The following DEGS1 variants were observed in gnomAD, a reference collection of about 807,000 sequenced individuals.
DEGS1 encodes the protein delta 4-desaturase, sphingolipid 1, also known as sphingolipid delta(4)-desaturase DES1.
Under a neutral mutation model 24.1 loss-of-function variants are expected in DEGS1, and 17 were observed. The ratio of observed to expected loss-of-function variants is 0.70; its 90% CI spans 0.48 to 1.06. The LOEUF (loss-of-function observed/expected upper bound fraction) is 1.06, where lower values mean the gene tolerates loss of function less well. Ranked by LOEUF, DEGS1 falls within the 50% of genes least tolerant of loss-of-function variation. DEGS1 has a pLI of 0.00. For missense variants in DEGS1, 366 were observed against 408.9 expected, an observed-to-expected ratio of 0.90 and a Z score of 0.91; for synonymous variants, 134 against 140.0, an observed-to-expected ratio of 0.96 and a Z score of 0.30.
Position 224,190,336 on chromosome 1 carries a change from A to C in DEGS1, c.825+17A>C. 6.9e-7 allele frequency: 1 copy of C among 1,452,908 alleles called. No individual in the cohort carries two copies. The highest frequency in any genetic ancestry group is 9.1e-7 in the Non-Finnish European group (1 of 1,102,892). The allele number at this position is 1,452,908 out of a possible 1,614,324, so 90.0% of individuals were successfully genotyped here. ...CTTCCACTGGTAAGTAAAGGATTTG[A>C]TACATATTCTAATTTTGTTTTTTCA... On this transcript the variant is annotated intron_variant, in intron 2 of 2. Coordinates refer to ENST00000323699, the MANE Select transcript of DEGS1 (RefSeq NM_003676.4).
Position 224,183,294 on chromosome 1 carries a change from G to A in DEGS1, c.-43G>A, listed in dbSNP as rs746571670. 6.8e-7 allele frequency: 1 copy of A among 1,459,984 alleles called. No homozygotes were observed. 90.4% of individuals were successfully genotyped at this position (1,459,984 alleles called of 1,614,324 possible). A position where few individuals can be genotyped will look rare whatever the true frequency, so the allele number is the denominator to read the frequency against. On this transcript the variant is annotated 5_prime_UTR_variant, in exon 1 of 3. Coordinates refer to ENST00000323699, the MANE Select transcript of DEGS1 (RefSeq NM_003676.4). Reference sequence around the variant, plus strand: ...GCCGCCACCTCTGAGCAGCCGGCTGGGAGCGAGAGCCGACAGCTAGTCTGC... The same window carrying A: ...GCCGCCACCTCTGAGCAGCCGGCTGAGAGCGAGAGCCGACAGCTAGTCTGC...
Position 224,183,250 on chromosome 1 carries a change from C to T in DEGS1, c.-87C>T, listed in dbSNP as rs1043281485. ...CCACAGCCGGCCGACACCACACCAG[C>T]CGGGGAGCCGCCGCCGCCGCCGCCA... On this transcript the variant is annotated 5_prime_UTR_variant, in exon 1 of 3. Transcript: ENST00000323699. 7.9e-7 allele frequency: 1 copy of T among 1,260,342 alleles called. No homozygotes were observed. Among genetic ancestry groups the T allele is most frequent in the Non-Finnish European group, 1.1e-6 (1 of 936,566 alleles). 78.1% of individuals were successfully genotyped at this position (1,260,342 alleles called of 1,614,324 possible). A position where few individuals can be genotyped will look rare whatever the true frequency, so the allele number is the denominator to read the frequency against.
At position 224,190,027 on chromosome 1, in the gene DEGS1, AC is replaced by A; in HGVS notation, c.537del (p.Lys180AsnfsTer20). On this transcript the variant is annotated frameshift_variant, in exon 2 of 3. Transcript: ENST00000323699. LOFTEE classifies it high-confidence loss of function. ...TATGCCTTTCGACCTCTGTTCATCA[AC>A]CCCAAACCAATTACGTATCTGGAAG... ...LFYAFRPLFINPKPITYLEVI... is the reference protein window; with the variant it reads ...LFYAFRPLFIXPKPITYLEVI... 6.2e-7 allele frequency: 1 copy of A among 1,614,114 alleles called. No individual in the cohort carries two copies. The highest frequency in any genetic ancestry group is 8.5e-7 in the Non-Finnish European group (1 of 1,180,018).
chr1:224,186,959 T>C (rs998253542), intron 1 of DEGS1, among the ~76,000 whole-genome samples: 8 of 152,152 alleles, frequency 5.3e-5, no homozygotes, highest in Non-Finnish European at 1.0e-4. Flanking sequence ...TTGTACACTT[T>C]AAGTTTACAT....
chr1:224,187,952 TA>T (rs904581072), intron 1 of DEGS1, among the ~76,000 whole-genome samples: 13 of 105,658 alleles, frequency 1.2e-4, no homozygotes, highest in Non-Finnish European at 2.4e-4. Flanking sequence ...TAGCATAATA[TA>T]AATTTTTTTT....
chr1:224,185,124 T>C (rs1655311060), intron 1 of DEGS1, among the ~76,000 whole-genome samples: 1 of 152,182 alleles, frequency 6.6e-6, no homozygotes, highest in South Asian at 2.1e-4. Context: ...AGCAAGTAGC[T>C]GGGACCACAA....
Position 224,189,711 on chromosome 1 carries a change from G to T in DEGS1, c.217G>T (p.Ala73Ser). 6.2e-7 allele frequency: 1 copy of T among 1,614,158 alleles called. No individual in the cohort carries two copies. Among genetic ancestry groups the T allele is most frequent in the Non-Finnish European group, 8.5e-7 (1 of 1,180,036 alleles). ...GGACTGGAAATGGGTCATATTTGGG[G>T]CCTATGCGTTTGGCAGTTGCATTAA... ...DLDWKWVIFG[A>S]YAFGSCINHS... Residue 73 changes from alanine (A) to serine (S), a missense_variant, in exon 2 of 3, where the codon GCC becomes TCC. Coordinates refer to ENST00000323699, the MANE Select transcript of DEGS1 (RefSeq NM_003676.4).
At chr1:224,184,264 A>G (rs1658316888) in intron 1 of DEGS1, among the ~76,000 whole-genome samples, 1 of 152,092 alleles carries the variant, frequency 6.6e-6, no homozygotes. Flanking sequence ...TTACATAGAG[A>G]ATGCTCATCT....
intron 2 of DEGS1, chr1:224,190,983 A>G (rs1202641412): frequency 1.3e-5 from 2 of 152,132 alleles, no homozygotes; most frequent in African/African-American, 4.8e-5. Flanking sequence ...CAGCCTCCCA[A>G]GTAGCTAGGA....
rs58790626 is a variant in DEGS1 at position 224,184,970 on chromosome 1, TACACACACACAC to T, written c.82+1577_82+1588del. On this transcript the variant is annotated intron_variant, in intron 1 of 2. Transcript: ENST00000323699. ...AGTAACATAGTGAGAGCCCCCCGTT[TACACACACACAC>T]ACACACACACACACACACACACACT... Among the ~76,000 whole-genome samples, 256 of 148,368 alleles carry T rather than the reference TACACACACACAC, an allele frequency of 1.7e-3. 3 individuals carry two copies. The highest frequency in any genetic ancestry group is 3.7e-3 in the South Asian group (17 of 4,608).
intron 1 of DEGS1, among the ~76,000 whole-genome samples, chr1:224,185,522 C>T (rs936901634): frequency 6.6e-6 from 1 of 152,086 alleles, no homozygotes; most frequent in East Asian, 1.9e-4. Flanking sequence ...TTTTTTGAGA[C>T]GGAGCCGCAC....
Position 224,189,593 on chromosome 1 carries a change from A to C in DEGS1, c.99A>C (p.Ile33=). Residue 33 remains isoleucine, a synonymous_variant, in exon 2 of 3, where the codon ATA becomes ATC. Coordinates refer to ENST00000323699, the MANE Select transcript of DEGS1 (RefSeq NM_003676.4). ...RREILAKYPE[I]KSLMKPDPNL... is the part of the protein sequence containing the mutation. Reference sequence around the variant, plus strand: ...TCTTTACAGCAAAGTATCCAGAGATAAAGTCCTTGATGAAACCTGATCCCA... The same window carrying C: ...TCTTTACAGCAAAGTATCCAGAGATCAAGTCCTTGATGAAACCTGATCCCA... 6.3e-7 allele frequency: 1 copy of C among 1,597,488 alleles called. No homozygotes were observed.
Position 224,190,265 on chromosome 1 carries a change from T to G in DEGS1, c.771T>G (p.Gly257=), listed in dbSNP as rs1572043743. ...TGAATTTACTTACCTTCAATGTGGG[T>G]TATCATAATGAACATCATGATTTCC... ...GPLNLLTFNV[G]YHNEHHDFPN... is the part of the protein sequence containing the mutation. The change falls in exon 2 of 3, where the codon GGT becomes GGG. Residue 257 remains glycine, a synonymous_variant. Transcript: ENST00000323699. 6.6e-7 allele frequency: 1 copy of G among 1,509,596 alleles called. No homozygotes were observed. Among genetic ancestry groups the G allele is most frequent in the Non-Finnish European group, 8.8e-7 (1 of 1,132,120 alleles). 93.5% of individuals were successfully genotyped at this position (1,509,596 alleles called of 1,614,324 possible).
intron 1 of DEGS1, among the ~76,000 whole-genome samples, chr1:224,185,952 G>C (rs556847277): frequency 1.3e-5 from 2 of 152,136 alleles, no homozygotes; most frequent in South Asian, 4.1e-4. Context: ...TGTAATCCGA[G>C]CACTTTGAGA....
chr1:224,192,216 A>AG, intron 2 of DEGS1, 116 bp from the exon 3 acceptor site: 1 of 723,688 alleles, frequency 1.4e-6, no homozygotes, highest in South Asian at 2.2e-5. Flanking sequence ...AAGAGAGAGG[A>AG]GGGAGGCAGG....
At chr1:224,184,885 A>T (rs1262963419) in intron 1 of DEGS1, among the ~76,000 whole-genome samples, 1 of 151,382 alleles carries the variant, frequency 6.6e-6, no homozygotes, top group African/African-American at 2.4e-5. Flanking sequence ...CTGTAATCCT[A>T]GCACTTCGGG....
chr1:224,184,905 C>T (rs958347321), intron 1 of DEGS1, among the ~76,000 whole-genome samples: 6 of 151,504 alleles, frequency 4.0e-5, no homozygotes, highest in Non-Finnish European at 5.9e-5. Flanking sequence ...GAGGCTGAGG[C>T]GGGAGGATCG....
At chr1:224,192,277 T>G in intron 2 of DEGS1, 55 bp from the exon 3 acceptor site, 2 of 1,523,204 alleles carry the variant, frequency 1.3e-6, no homozygotes, top group Non-Finnish European at 1.8e-6. Context: ...TCAGTCATCT[T>G]TGAAAGAACC....
At position 224,190,198 on chromosome 1, in the gene DEGS1, T is replaced by C; in HGVS notation, c.704T>C (p.Met235Thr). ...ISGHFIAEHY[M>T]FLKGHETYSY... is the part of the protein sequence containing the mutation. ...GGACATTTTATAGCTGAGCATTACATGTTCTTAAAGGGTCATGAAACTTAC... is the reference window on the plus strand; with the variant it reads ...GGACATTTTATAGCTGAGCATTACACGTTCTTAAAGGGTCATGAAACTTAC... The change falls in exon 2 of 3, where the codon ATG becomes ACG. Residue 235 changes from methionine to threonine, a missense_variant. Transcript: ENST00000323699. The C allele has an allele frequency of 6.4e-7, 1 of 1,552,726 alleles. No individual in the cohort carries two copies. Among genetic ancestry groups the C allele is most frequent in the Non-Finnish European group, 8.7e-7 (1 of 1,153,892 alleles).
Sources: allele counts gnomAD v4.1 joint callset (sites outside exome capture counted in the v4.1 genomes callset), GRCh38; gene constraint gnomAD v4.1.1; transcripts MANE v1.5; gene names NCBI Gene and HGNC (gene_info 2026-07-23, HGNC 2026-07-21).